The following POU6F2 variants were observed in gnomAD, a reference collection of about 807,000 sequenced individuals.
POU6F2 encodes POU domain, class 6, transcription factor 2.
Under a neutral mutation model 71.3 loss-of-function variants are expected in POU6F2, and 31 were observed. That is an observed-to-expected ratio of 0.43 (90% CI 0.33 to 0.59). The LOEUF is 0.59. Among genes scored for constraint, POU6F2 ranks in the 20% least tolerant of loss-of-function variants. The pLI, the probability that POU6F2 is intolerant of heterozygous loss-of-function variation, is 0.04. For synonymous variants in POU6F2, 347 were observed against 355.7 expected, an observed-to-expected ratio of 0.98 and a Z score of 0.27; for missense variants, 783 against 856.8, an observed-to-expected ratio of 0.91 and a Z score of 1.07.
chr7:39,080,881 CTG>C (rs1237819135), intron 1 of POU6F2, among the ~76,000 whole-genome samples: 1 of 152,152 alleles, frequency 6.6e-6, no homozygotes, highest in East Asian at 1.9e-4. Context: ...TATCAAAACT[CTG>C]TTGGTTAAAT....
intron 4 of POU6F2, among the ~76,000 whole-genome samples, chr7:39,232,506 C>A (rs1478632812): frequency 6.6e-6 from 1 of 152,094 alleles, no homozygotes; most frequent in African/African-American, 2.4e-5. Flanking sequence ...GGTTGAGAAC[C>A]CTTTAATAGA....
Position 39,378,996 on chromosome 7 carries a change from A to G in POU6F2, c.973-27604A>G, listed in dbSNP as rs532602116. Among the ~76,000 whole-genome samples, 7 of 152,302 alleles carry G rather than the reference A, an allele frequency of 4.6e-5. No homozygotes were observed. The East Asian group carries it at 9.7e-4, about 21-fold the overall frequency. ...GAGGTGGATCAAGAATGACCTTGCA[A>G]TAGTCCAAGGTCTAGTGGAAAAGAG... On this transcript the variant is annotated intron_variant, in intron 5 of 9. Transcript: ENST00000518318.
chr7:39,403,807 G>A (rs563162785), intron 5 of POU6F2, among the ~76,000 whole-genome samples: 1 of 152,288 alleles, frequency 6.6e-6, no homozygotes, highest in East Asian at 1.9e-4. Flanking sequence ...AGACAGAGAA[G>A]CCAAAAGATA....
chr7:39,408,496 A>G (rs745675728), intron 6 of POU6F2, among the ~76,000 whole-genome samples: 2 of 152,262 alleles, frequency 1.3e-5, no homozygotes, highest in Non-Finnish European at 2.9e-5. Flanking sequence ...TAGCTTTCCC[A>G]GCCCATAAGT....
Position 39,204,381 on chromosome 7 carries a change from A to G in POU6F2, c.369+55A>G, listed in dbSNP as rs1584600258. 5 of 1,364,606 alleles carry G rather than the reference A, an allele frequency of 3.7e-6. No homozygotes were observed. In the East Asian group the frequency reaches 9.5e-5, roughly 26 times the overall value. The allele number at this position is 1,364,606 out of a possible 1,614,324, so 84.5% of individuals were successfully genotyped here. On this transcript the variant is annotated intron_variant, in intron 3 of 9. Coordinates refer to ENST00000518318, the MANE Select transcript of POU6F2 (RefSeq NM_001370959.1). ...GCTGCATTTAGGATGGTTTAACCAT[A>G]TAAATCACCAAATAAATAATAATGA... is the stretch of plus-strand genomic sequence containing the variant.
chr7:39,081,041 A>T (rs565597654), intron 1 of POU6F2, among the ~76,000 whole-genome samples: 2 of 152,222 alleles, frequency 1.3e-5, no homozygotes. Flanking sequence ...ATAGAAGTAC[A>T]CTGGGACATC....
intron 5 of POU6F2, among the ~76,000 whole-genome samples, chr7:39,358,228 A>G: frequency 6.6e-6 from 1 of 152,126 alleles, no homozygotes; most frequent in East Asian, 1.9e-4. Context: ...TACCTACAGA[A>G]ATACAAATGA....
In POU6F2 at chr7:39,254,753, T is replaced by C. The variant is rs1404293642; in HGVS notation, c.598+47133T>C. On this transcript the variant is annotated intron_variant, in intron 4 of 9. Transcript: ENST00000518318. ...CTGTTGCAAAAGGTCTCTCGGTACC[T>C]AATTTCAAATTTTAGAGAGAAATAT... 2.6e-5 allele frequency among the ~76,000 whole-genome samples: 4 copies of C among 152,244 alleles called. No homozygotes were observed. In the East Asian group the frequency reaches 7.7e-4, roughly 29 times the overall value.
intron 1 of POU6F2, among the ~76,000 whole-genome samples, chr7:39,067,484 TAAC>T (rs924759208): frequency 7.9e-5 from 12 of 151,806 alleles, no homozygotes; most frequent in Admixed American, 5.9e-4. Context: ...CAAACGGAAA[TAAC>T]AAATTCTAGA....
At chr7:39,307,885 A>G (rs923494084) in intron 4 of POU6F2, among the ~76,000 whole-genome samples, 3 of 151,714 alleles carry the variant, frequency 2.0e-5, no homozygotes, top group African/African-American at 7.3e-5. Context: ...AACCCAGGAG[A>G]TGGAGGTTGC....
chr7:39,260,250 G>A (rs1344856942), intron 4 of POU6F2, among the ~76,000 whole-genome samples: 18 of 115,422 alleles, frequency 1.6e-4, no homozygotes, highest in African/African-American at 3.8e-4. Flanking sequence ...CCACACCCCC[G>A]ACACACACAC....
intron 2 of POU6F2, among the ~76,000 whole-genome samples, chr7:39,135,631 C>T (rs1482608604): frequency 1.3e-5 from 2 of 151,884 alleles, no homozygotes; most frequent in Non-Finnish European, 2.9e-5. Flanking sequence ...TCTTGGAACA[C>T]TAACAGGAGG....
intron 1 of POU6F2, among the ~76,000 whole-genome samples, chr7:39,063,722 A>AT (rs940588788): frequency 3.9e-5 from 6 of 152,034 alleles, no homozygotes; most frequent in African/African-American, 9.6e-5. Context: ...TATCTTGGTC[A>AT]TTTTTTTTAA....
At chr7:39,075,777 C>T (rs771699879) in intron 1 of POU6F2, among the ~76,000 whole-genome samples, 13 of 152,192 alleles carry the variant, frequency 8.5e-5, no homozygotes, top group African/African-American at 2.2e-4. Flanking sequence ...GCCCTTGGGG[C>T]GTGGTCTCTG....
At chr7:39,267,730 G>A (rs73128427) in intron 4 of POU6F2, among the ~76,000 whole-genome samples, 20,483 of 151,880 alleles carry the variant, frequency 0.13, 1,353 homozygotes, top group East Asian at 0.15. Context: ...TCAGCCTCCT[G>A]AATAGCTGGG....
rs1790063310 is a variant in POU6F2 at position 39,036,336 on chromosome 7, CTT to C, written c.106-49521_106-49520del. Among the ~76,000 whole-genome samples the C allele has an allele frequency of 2.6e-5, 4 of 152,192 alleles. No homozygotes were observed. In the South Asian group the frequency reaches 8.3e-4, roughly 32 times the overall value. ...TCAGAAATAAGCTACCGAAAATAGT[CTT>C]TTAGAATATGCTTCCATTGGGTAGC... On this transcript the variant is annotated intron_variant, in intron 1 of 9. Transcript: ENST00000518318.
intron 5 of POU6F2, among the ~76,000 whole-genome samples, chr7:39,389,350 G>A (rs1388235312): frequency 6.6e-6 from 1 of 152,112 alleles, no homozygotes; most frequent in Non-Finnish European, 1.5e-5. Flanking sequence ...TTTAGAGCCA[G>A]GCTTTTAACT....
intron 1 of POU6F2, chr7:38,984,459 C>T (rs1196234258): frequency 6.6e-6 from 1 of 152,090 alleles, no homozygotes; most frequent in Non-Finnish European, 1.5e-5. Context: ...CAGCAGAAAA[C>T]TCACCAATAT....
intron 2 of POU6F2, among the ~76,000 whole-genome samples, chr7:39,202,733 G>A (rs1465897971): frequency 2.6e-5 from 4 of 152,170 alleles, no homozygotes; most frequent in African/African-American, 9.7e-5. Flanking sequence ...ACATTATGAG[G>A]AAGTGGTTGG....
Sources: allele counts gnomAD v4.1 joint callset (sites outside exome capture counted in the v4.1 genomes callset), GRCh38; gene constraint gnomAD v4.1.1; transcripts MANE v1.5; gene names NCBI Gene and HGNC (gene_info 2026-07-23, HGNC 2026-07-21).